The following NRXN1 variants were observed in gnomAD, a reference collection of about 807,000 sequenced individuals.
NRXN1 encodes the protein neurexin 1.
A neutral mutation model predicts 150.9 loss-of-function variants in NRXN1; 39 were observed. That is an observed-to-expected ratio of 0.26 (90% confidence interval 0.20 to 0.34). NRXN1 has a LOEUF of 0.34. Among genes scored for constraint, NRXN1 ranks in the 10% least tolerant of loss-of-function variants. NRXN1 has a pLI of 1.00. For synonymous variants in NRXN1, 924 were observed against 757.0 expected (o/e 1.22, Z -3.62); for missense variants, 1,815 against 1,949.9 (o/e 0.93, Z 1.30).
chr2:50,803,138 G>A (rs1707844935), intron 5 of NRXN1, among the ~76,000 whole-genome samples: 1 of 152,016 alleles, frequency 6.6e-6, no homozygotes, highest in Non-Finnish European at 1.5e-5. Context: ...CTACTTTTCT[G>A]CTTACTCTTA....
chr2:50,671,678 C>A (rs9309185), intron 5 of NRXN1, among the ~76,000 whole-genome samples: 1 of 151,596 alleles, frequency 6.6e-6, no homozygotes, highest in Non-Finnish European at 1.5e-5. Flanking sequence ...AATGTAATGA[C>A]ACATTTTAAG....
chr2:50,325,664 T>G (rs1425361938), intron 17 of NRXN1, among the ~76,000 whole-genome samples: 3 of 152,230 alleles, frequency 2.0e-5, no homozygotes, highest in Non-Finnish European at 4.4e-5. Flanking sequence ...TTCACTATTA[T>G]TAACAGTATT....
intron 5 of NRXN1, among the ~76,000 whole-genome samples, chr2:50,686,348 A>T (rs2104839492): frequency 6.6e-6 from 1 of 152,274 alleles, no homozygotes; most frequent in South Asian, 2.1e-4. Flanking sequence ...CGTTGCAACC[A>T]GAAATTGCAG....
chr2:50,829,064 C>CA (rs1336997001), intron 5 of NRXN1, among the ~76,000 whole-genome samples: 17 of 152,052 alleles, frequency 1.1e-4, no homozygotes, highest in Non-Finnish European at 1.9e-4. Flanking sequence ...CCGTCTCCAC[C>CA]AAAAAAATAC....
At chr2:51,001,562 G>A (rs569337870) in intron 2 of NRXN1, among the ~76,000 whole-genome samples, 5 of 152,004 alleles carry the variant, frequency 3.3e-5, no homozygotes, top group African/African-American at 1.2e-4. Context: ...GATCAATTAA[G>A]CATACATTTT....
chr2:50,701,460 G>A (rs1355021710), intron 5 of NRXN1, among the ~76,000 whole-genome samples: 1 of 152,120 alleles, frequency 6.6e-6, no homozygotes, highest in Non-Finnish European at 1.5e-5. Context: ...AAAGCATCAA[G>A]GCTCAGGAAA....
chr2:49,976,244 G>C (rs911839212), intron 21 of NRXN1, among the ~76,000 whole-genome samples: 6 of 151,146 alleles, frequency 4.0e-5, no homozygotes, highest in Non-Finnish European at 8.8e-5. Flanking sequence ...TGTTGGCCTG[G>C]TGGGTCTCAA....
chr2:50,917,230 T>C (rs17512442), intron 5 of NRXN1: 2 of 151,472 alleles, frequency 1.3e-5, no homozygotes, highest in African/African-American at 4.8e-5. Flanking sequence ...CAAACTTTTC[T>C]GAACAAACAG....
chr2:50,934,046 A>C (rs1024871143), intron 2 of NRXN1, among the ~76,000 whole-genome samples: 1 of 152,120 alleles, frequency 6.6e-6, no homozygotes, highest in Non-Finnish European at 1.5e-5. Flanking sequence ...GCCACACCTC[A>C]TTATATGTTG....
chr2:50,333,259 C>T (rs2076948799), intron 17 of NRXN1, among the ~76,000 whole-genome samples: 1 of 152,190 alleles, frequency 6.6e-6, no homozygotes, highest in South Asian at 2.1e-4. Context: ...CTGCCAGTTA[C>T]AAACATGCGA....
At chr2:50,330,942 G>C (rs2076798749) in intron 17 of NRXN1, among the ~76,000 whole-genome samples, 1 of 152,132 alleles carries the variant, frequency 6.6e-6, no homozygotes. Context: ...GTGGGAAGTA[G>C]TTACTTGCTA....
intron 18 of NRXN1, among the ~76,000 whole-genome samples, chr2:50,198,036 T>C (rs1296047236): frequency 1.3e-5 from 2 of 152,164 alleles, no homozygotes; most frequent in East Asian, 1.9e-4. Flanking sequence ...CCTTATTCTA[T>C]GTTTAATTGA....
chr2:50,956,948 G>C (rs183838308), intron 2 of NRXN1, among the ~76,000 whole-genome samples: 6 of 152,116 alleles, frequency 3.9e-5, no homozygotes, highest in African/African-American at 1.2e-4. Flanking sequence ...GAGGGAGTTT[G>C]AAACCAGAGC....
chr2:49,966,223 A>G (rs1168991742), intron 21 of NRXN1, among the ~76,000 whole-genome samples: 1 of 152,166 alleles, frequency 6.6e-6, no homozygotes, highest in African/African-American at 2.4e-5. Flanking sequence ...TTTGAGATAC[A>G]ACACTGAGAA....
intron 5 of NRXN1, among the ~76,000 whole-genome samples, chr2:50,785,621 G>T (rs1705009349): frequency 6.6e-6 from 1 of 152,094 alleles, no homozygotes; most frequent in East Asian, 1.9e-4. Context: ...AATACAGAGG[G>T]TTTTGTTGAT....
chr2:50,462,459 G>C (rs893263826), intron 17 of NRXN1, among the ~76,000 whole-genome samples: 1 of 151,632 alleles, frequency 6.6e-6, no homozygotes, highest in Non-Finnish European at 1.5e-5. Flanking sequence ...AGAGGAATAA[G>C]AAATGGGAGA....
chr2:50,002,197 C>G (rs1475270555), intron 21 of NRXN1, among the ~76,000 whole-genome samples: 3 of 152,002 alleles, frequency 2.0e-5, no homozygotes, highest in African/African-American at 7.2e-5. Context: ...TGTGAGATAA[C>G]AAATGTGTTG....
intron 17 of NRXN1, among the ~76,000 whole-genome samples, chr2:50,364,632 CTAT>C (rs1463053288): frequency 6.6e-6 from 1 of 152,036 alleles, no homozygotes; most frequent in African/African-American, 2.4e-5. Flanking sequence ...TGCACTTTTA[CTAT>C]TATTATTTAA....
intron 5 of NRXN1, among the ~76,000 whole-genome samples, chr2:50,791,025 T>A (rs1356205302): frequency 6.6e-6 from 1 of 151,974 alleles, no homozygotes; most frequent in Non-Finnish European, 1.5e-5. Context: ...GTTGGTAATT[T>A]TTATGGAAAG....
Sources: gnomAD v4.1 joint callset for allele counts (sites outside exome capture counted in the v4.1 genomes callset) on GRCh38, gnomAD v4.1.1 for gene constraint, MANE v1.5 for transcripts, NCBI Gene and HGNC (gene_info 2026-07-23, HGNC 2026-07-21) for gene names.